The following TMEM196 variants were observed in gnomAD, a reference collection of about 807,000 sequenced individuals.
TMEM196 encodes transmembrane protein 196.
In TMEM196, 17 loss-of-function variants were observed where a neutral mutation model predicts 20.0. The ratio of observed to expected loss-of-function variants is 0.85; its 90% CI spans 0.58 to 1.27. TMEM196 has a LOEUF of 1.27. Ranked by LOEUF, TMEM196 falls within the 50% of genes most tolerant of loss-of-function variation. The pLI, the probability that TMEM196 is intolerant of heterozygous loss-of-function variation, is 0.00. For synonymous variants in TMEM196, 113 were observed against 88.9 expected (o/e 1.27, Z -1.52); for missense variants, 267 against 223.0 (o/e 1.20, Z -1.26).
At chr7:19,746,470 A>C (rs139528154) in intron 1 of TMEM196, among the ~76,000 whole-genome samples, 78 of 152,352 alleles carry the variant, frequency 5.1e-4, no homozygotes, top group African/African-American at 1.9e-3. Context: ...GAGTTCAGTG[A>C]CGTATATGTG....
intron 1 of TMEM196, among the ~76,000 whole-genome samples, chr7:19,769,252 T>A (rs1046218630): frequency 1.3e-5 from 2 of 152,120 alleles, no homozygotes; most frequent in Non-Finnish European, 2.9e-5. Flanking sequence ...AAGAGATGAA[T>A]AATTTTCTAT....
intron 1 of TMEM196, among the ~76,000 whole-genome samples, chr7:19,757,100 T>C (rs540387795): frequency 1.0e-3 from 152 of 152,244 alleles, no homozygotes; most frequent in African/African-American, 3.5e-3. Flanking sequence ...GGCAGTTTGC[T>C]TTTTACCTGC....
In TMEM196 at chr7:19,721,781, G is replaced by A. The variant is rs1299450476; in HGVS notation, c.*347C>T. On this transcript the variant is annotated 3_prime_UTR_variant, in exon 5 of 5. Coordinates refer to ENST00000405844, the MANE Select transcript of TMEM196 (RefSeq NM_001363562.2). ...TAATCATGCTAGTCAAATAGTGTTT[G>A]TATAGAATATGCATTTTATTTCTGT... The A allele has an allele frequency of 3.5e-6, 1 of 284,228 alleles. No homozygotes were observed. The highest frequency in any genetic ancestry group is 2.3e-5 in the African/African-American group (1 of 44,254). 17.6% of individuals were successfully genotyped at this position (284,228 alleles called of 1,614,324 possible). A position where few individuals can be genotyped will look rare whatever the true frequency, so the allele number is the denominator to read the frequency against.
At chr7:19,741,642 G>A (rs1451950698) in intron 1 of TMEM196, among the ~76,000 whole-genome samples, 1 of 152,120 alleles carries the variant, frequency 6.6e-6, no homozygotes, top group Non-Finnish European at 1.5e-5. Flanking sequence ...GTCCTCAGAT[G>A]TTGTTGAGAT....
chr7:19,726,576 G>T (rs1583416346), intron 2 of TMEM196, among the ~76,000 whole-genome samples: 1 of 151,876 alleles, frequency 6.6e-6, no homozygotes, highest in African/African-American at 2.4e-5. Context: ...AGAAACAGAT[G>T]ATGTGGCTTT....
chr7:19,771,930 G>A (rs1020546121), intron 1 of TMEM196, among the ~76,000 whole-genome samples: 8 of 152,146 alleles, frequency 5.3e-5, no homozygotes, highest in Admixed American at 1.3e-4. Flanking sequence ...TTACAAAAGC[G>A]TTTTCAGAGG....
intron 2 of TMEM196, among the ~76,000 whole-genome samples, chr7:19,728,624 C>T (rs1201515589): frequency 6.6e-6 from 1 of 152,062 alleles, no homozygotes; most frequent in Non-Finnish European, 1.5e-5. Context: ...AGGGTACTTC[C>T]TAGGGTCCCT....
Position 19,772,568 on chromosome 7 carries a change from C to A in TMEM196, c.129G>T (p.Gln43His). Residue 43 changes from glutamine (Q) to histidine (H), a missense_variant, in exon 1 of 5, where the codon CAG becomes CAT. By Grantham distance (24) the Gln-to-His change is conservative. Transcript: ENST00000405844. Reference sequence around the variant, plus strand: ...TCCATACCGGGGACGAGTCTCCGAGCTGCGGCTTGTGCTCTCGGAGGGCCA... The same window carrying A: ...TCCATACCGGGGACGAGTCTCCGAGATGCGGCTTGTGCTCTCGGAGGGCCA... Reference protein sequence around the residue: ...FSLALREHKPQLGDSSPFLLC... With the variant: ...FSLALREHKPHLGDSSPFLLC... 1 of 1,545,236 alleles carries A rather than the reference C, an allele frequency of 6.5e-7. No homozygotes were observed. The highest frequency in any genetic ancestry group is 1.2e-5 in the South Asian group (1 of 83,282).
intron 1 of TMEM196, among the ~76,000 whole-genome samples, chr7:19,750,348 A>G (rs887489805): frequency 2.6e-5 from 4 of 152,242 alleles, no homozygotes; most frequent in African/African-American, 9.6e-5. Context: ...AATATATACA[A>G]TTATTATTTG....
chr7:19,768,571 T>C (rs1785728483), intron 1 of TMEM196, among the ~76,000 whole-genome samples: 1 of 152,124 alleles, frequency 6.6e-6, no homozygotes, highest in Non-Finnish European at 1.5e-5. Flanking sequence ...GATACATCAG[T>C]TATAATTCAC....
At chr7:19,725,891 G>T in intron 2 of TMEM196, 123 bp from the exon 3 acceptor site, 2 of 1,206,324 alleles carry the variant, frequency 1.7e-6, no homozygotes, top group Non-Finnish European at 2.2e-6. Context: ...AGCGGTTTTG[G>T]TGCTTCACAG....
intron 1 of TMEM196, among the ~76,000 whole-genome samples, chr7:19,748,833 A>T (rs1784857212): frequency 1.3e-5 from 2 of 152,216 alleles, no homozygotes; most frequent in African/African-American, 4.8e-5. Flanking sequence ...TAATTATATG[A>T]AATTGAAAGC....
chr7:19,736,401 A>ATATATAT (rs1784410522), intron 1 of TMEM196, among the ~76,000 whole-genome samples: 4 of 110,122 alleles, frequency 3.6e-5, no homozygotes, highest in Non-Finnish European at 5.7e-5. Flanking sequence ...ATATATATAT[A>ATATATAT]AATTATCTCT....
Position 19,720,108 on chromosome 7 carries a change from C to G in TMEM196, c.*2020G>C, listed in dbSNP as rs1329705864. On this transcript the variant is annotated 3_prime_UTR_variant, in exon 5 of 5. Coordinates refer to ENST00000405844, the MANE Select transcript of TMEM196 (RefSeq NM_001363562.2). The stretch of plus-strand genomic sequence containing the variant: ...ATCTTCATGATGTAATTTAGATTTT[C>G]ATTGGCAAAGATCATGCCTGTTTGT... 1 of 152,024 alleles carries G rather than the reference C, an allele frequency of 6.6e-6. No homozygotes were observed. The highest frequency in any genetic ancestry group is 1.5e-5 in the Non-Finnish European group (1 of 67,920). The allele number at this position is 152,024 out of a possible 1,614,324, so 9.4% of individuals were successfully genotyped here. A position where few individuals can be genotyped will look rare whatever the true frequency, so the allele number is the denominator to read the frequency against.
chr7:19,725,125 T>C (rs901379499), intron 3 of TMEM196, among the ~76,000 whole-genome samples: 3 of 152,172 alleles, frequency 2.0e-5, no homozygotes, highest in Non-Finnish European at 4.4e-5. Context: ...ATCAAATGCA[T>C]CTCCTTAATA....
At position 19,736,354 on chromosome 7, in the gene TMEM196, TA is replaced by T. The variant is rs1784402164; in HGVS notation, c.148-6917del. 8.7e-4 allele frequency among the ~76,000 whole-genome samples: 77 copies of T among 88,084 alleles called. 2 individuals are homozygous for T. Among genetic ancestry groups the T allele is most frequent in the South Asian group, 1.9e-3 (6 of 3,086 alleles). The allele number at this position is 88,084 out of a possible 152,430, so 57.8% of individuals were successfully genotyped here. A position where few individuals can be genotyped will look rare whatever the true frequency, so the allele number is the denominator to read the frequency against. On this transcript the variant is annotated intron_variant, in intron 1 of 4. Transcript: ENST00000405844. ...ATCCCACTTTTCTAGTGGTTCCTAC[TA>T]TATATATATATATATATATATATAT...
At chr7:19,724,063 G>A (rs1783902298) in intron 4 of TMEM196, among the ~76,000 whole-genome samples, 1 of 152,084 alleles carries the variant, frequency 6.6e-6, no homozygotes, top group Non-Finnish European at 1.5e-5. Context: ...TAGGCGGGCT[G>A]AGTATTTTAC....
intron 1 of TMEM196, among the ~76,000 whole-genome samples, chr7:19,767,969 T>G (rs530012491): frequency 7.2e-4 from 110 of 152,198 alleles, no homozygotes; most frequent in African/African-American, 2.5e-3. Context: ...ATAATATAGA[T>G]CAGAATGCAC....
At chr7:19,736,654 ACCTATT>A (rs1784419413) in intron 1 of TMEM196, among the ~76,000 whole-genome samples, 1 of 151,458 alleles carries the variant, frequency 6.6e-6, no homozygotes, top group African/African-American at 2.4e-5. Flanking sequence ...TTACCAATAG[ACCTATT>A]CATTTTAGGG....
Sources: gnomAD v4.1 joint callset for allele counts (sites outside exome capture counted in the v4.1 genomes callset) on GRCh38, gnomAD v4.1.1 for gene constraint, MANE v1.5 for transcripts, NCBI Gene and HGNC (gene_info 2026-07-23, HGNC 2026-07-21) for gene names.